The following KCNT1 variants were observed in gnomAD, a reference collection of about 807,000 sequenced individuals.
KCNT1 encodes potassium sodium-activated channel subfamily T member 1, also known as potassium channel subfamily T member 1.
KCNT1 carries 78 observed loss-of-function variants against 147.8 expected under a neutral mutation model. The ratio of observed to expected loss-of-function variants is 0.53; its 90% confidence interval spans 0.44 to 0.64. The LOEUF is 0.64. Among genes scored for constraint, KCNT1 ranks in the 30% least tolerant of loss-of-function variants. The pLI, the probability that KCNT1 is intolerant of heterozygous loss-of-function variation, is 0.00. For missense variants in KCNT1, 1,419 were observed against 1,750.3 expected, an observed-to-expected ratio of 0.81 and a Z score of 3.38; for synonymous variants, 867 against 748.8, an observed-to-expected ratio of 1.16 and a Z score of -2.58.
In KCNT1 at chr9:135,784,593, C is replaced by G; in HGVS notation, c.3002C>G (p.Thr1001Arg). 3 of 1,606,822 alleles carry G rather than the reference C, an allele frequency of 1.9e-6. No homozygotes were observed. The highest frequency in any genetic ancestry group is 2.5e-6 in the Non-Finnish European group (3 of 1,178,330). Reference protein sequence around the residue: ...ITRLLLGLDTTPGSGYLCAMK... With the variant: ...ITRLLLGLDTRPGSGYLCAMK... ...CGGCTGCTGCTGGGCCTGGACACCACGCCGGGCTCGGGGTACCTCTGTGCC... is the reference window on the plus strand; with the variant it reads ...CGGCTGCTGCTGGGCCTGGACACCAGGCCGGGCTCGGGGTACCTCTGTGCC... The change falls in exon 26 of 31, where the codon ACG (threonine) becomes AGG (arginine). Residue 1001 changes from threonine to arginine, a missense_variant. Physicochemically the swap from Thr to Arg is moderately conservative, Grantham distance 71. Around this residue, in one of 5 missense-constraint regions of KCNT1, gnomAD observed 247 missense variants for 397.1 expected, o/e 0.62. Transcript: ENST00000371757.
rs1378402350 is a variant in KCNT1, at chr9:135,784,531, C to A, written c.2944-4C>A. 1 of 1,160,944 alleles carries A rather than the reference C, an allele frequency of 8.6e-7. No homozygotes were observed. Among genetic ancestry groups the A allele is most frequent in the Non-Finnish European group, 1.2e-6 (1 of 833,556 alleles). The allele number at this position is 1,160,944 out of a possible 1,614,324, so 71.9% of individuals were successfully genotyped here. ...CCTCCCTCCCTCCCTCCCTCCCTGG[C>A]CAGTCCTTCGTGAAGGACTACATGA... On this transcript the variant is annotated splice_polypyrimidine_tract_variant and splice_region_variant and intron_variant, in intron 25 of 30. Coordinates refer to ENST00000371757, the MANE Select transcript of KCNT1 (RefSeq NM_020822.3).
chr9:135,754,406 G>A (rs998528188), intron 5 of KCNT1, among the ~76,000 whole-genome samples: 5 of 152,198 alleles, frequency 3.3e-5, no homozygotes, highest in African/African-American at 9.6e-5. Flanking sequence ...AAGGAAGCCC[G>A]TCTCCCAGTG....
At chr9:135,704,831 C>T (rs898870736) in intron 1 of KCNT1, among the ~76,000 whole-genome samples, 14 of 152,316 alleles carry the variant, frequency 9.2e-5, no homozygotes, top group African/African-American at 3.4e-4. Flanking sequence ...GCTCAGGGCT[C>T]ATGGGAAAGG....
At chr9:135,762,642 C>T (rs2150758) in intron 11 of KCNT1, among the ~76,000 whole-genome samples, 21,597 of 151,488 alleles carry the variant, frequency 0.14, 1,688 homozygotes, top group Non-Finnish European at 0.18. Context: ...CCCAGCTCCT[C>T]GGGAGGCTGA....
intron 1 of KCNT1, among the ~76,000 whole-genome samples, chr9:135,706,687 TCA>T (rs1835270910): frequency 6.6e-6 from 1 of 152,174 alleles, no homozygotes. Context: ...TCCTCATGCT[TCA>T]CAGGCACCAA....
At chr9:135,724,726 AG>A (rs1836061444) in intron 2 of KCNT1, among the ~76,000 whole-genome samples, 1 of 152,306 alleles carries the variant, frequency 6.6e-6, no homozygotes, top group African/African-American at 2.4e-5. Context: ...AAACCTCACC[AG>A]GTGTGTCATG....
chr9:135,765,304 T>TA, intron 12 of KCNT1, 109 bp downstream of exon 12: 1 of 1,108,040 alleles, frequency 9.0e-7, no homozygotes, highest in Non-Finnish European at 1.3e-6. Context: ...AGCCTTGGTT[T>TA]ACCCCTTCAG....
rs910220571 is a variant in KCNT1 at position 135,736,864 on chromosome 9, A to G, written c.255-13234A>G. 8 of 294,740 alleles carry G rather than the reference A, an allele frequency of 2.7e-5. No homozygotes were observed. In the Admixed American group the frequency reaches 3.7e-4, roughly 13 times the overall value. The allele number at this position is 294,740 out of a possible 1,614,324, so 18.3% of individuals were successfully genotyped here. A position where few individuals can be genotyped will look rare whatever the true frequency, so the allele number is the denominator to read the frequency against. Reference sequence around the variant, plus strand: ...GCTCGGGCTGCGCTGGCTGGGCTGCACCTGCGTTGCCTGCAGCCCGGGGAA... The same window carrying G: ...GCTCGGGCTGCGCTGGCTGGGCTGCGCCTGCGTTGCCTGCAGCCCGGGGAA... On this transcript the variant is annotated intron_variant, in intron 2 of 30. Transcript: ENST00000371757.
chr9:135,765,370 G>A (rs547334501), intron 12 of KCNT1, among the ~76,000 whole-genome samples, 175 bp downstream of exon 12: 1 of 57,058 alleles, frequency 1.8e-5, no homozygotes, highest in African/African-American at 8.8e-5. Context: ...CCCCAGGACT[G>A]CCATCCTCTC....
chr9:135,733,362 CTG>C (rs1830197997), intron 2 of KCNT1, among the ~76,000 whole-genome samples: 1 of 69,566 alleles, frequency 1.4e-5, no homozygotes, highest in Admixed American at 1.5e-4. Context: ...GCCCCCACAC[CTG>C]CCTTCATACC....
chr9:135,722,153 G>C (rs1446036780), intron 2 of KCNT1, among the ~76,000 whole-genome samples: 1 of 152,150 alleles, frequency 6.6e-6, no homozygotes, highest in Non-Finnish European at 1.5e-5. Flanking sequence ...TGGGCCCAGG[G>C]CTGGCTCAGT....
chr9:135,761,538 C>T (rs942204882), intron 11 of KCNT1, among the ~76,000 whole-genome samples: 1 of 152,262 alleles, frequency 6.6e-6, no homozygotes, highest in Non-Finnish European at 1.5e-5. Context: ...TTAATTACTT[C>T]TGCAAAGACC....
chr9:135,781,298 G>A (rs1291043170), intron 24 of KCNT1, among the ~76,000 whole-genome samples: 1 of 152,192 alleles, frequency 6.6e-6, no homozygotes, highest in East Asian at 1.9e-4. Flanking sequence ...TGGGACAGAT[G>A]CCCTGGGCCC....
chr9:135,780,235 C>G (rs376822347), intron 24 of KCNT1, among the ~76,000 whole-genome samples: 8 of 149,676 alleles, frequency 5.3e-5, no homozygotes, highest in African/African-American at 2.0e-4. Context: ...GAGCAGGGAG[C>G]AGGCACCTTG....
At chr9:135,774,201 T>TTGTGTGTGGTATGTGGTGTC (rs1832957847) in intron 19 of KCNT1, among the ~76,000 whole-genome samples, 1 of 148,414 alleles carries the variant, frequency 6.7e-6, no homozygotes, top group Non-Finnish European at 1.5e-5. Flanking sequence ...CTGAGTGGTA[T>TTGTGTGTGGTATGTGGTGTC]TGTGTGTGGT....
intron 6 of KCNT1, among the ~76,000 whole-genome samples, chr9:135,755,410 C>T (rs1462527954): frequency 1.4e-5 from 2 of 138,174 alleles, no homozygotes; most frequent in African/African-American, 5.5e-5. Context: ...AAACAGGTGA[C>T]TCCAACTCAG....
chr9:135,716,511 A>C (rs527352), intron 2 of KCNT1, among the ~76,000 whole-genome samples: 51,804 of 152,070 alleles, frequency 0.34, 10,892 homozygotes, highest in African/African-American at 0.59. Flanking sequence ...TTTAGTACAC[A>C]ACACTGTGCC....
At chr9:135,717,468 C>G (rs757910938) in intron 2 of KCNT1, among the ~76,000 whole-genome samples, 6 of 152,044 alleles carry the variant, frequency 3.9e-5, no homozygotes, top group Non-Finnish European at 5.9e-5. Flanking sequence ...CGGCTGGTGT[C>G]CAGCCCGGTT....
At position 135,770,908 on chromosome 9, in the gene KCNT1, G is replaced by A; in HGVS notation, c.1821G>A (p.Leu607=). 1 of 1,606,832 alleles carries A rather than the reference G, an allele frequency of 6.2e-7. No individual in the cohort carries two copies. Among genetic ancestry groups the A allele is most frequent in the Non-Finnish European group, 8.5e-7 (1 of 1,176,496 alleles). The change falls in exon 18 of 31, where the codon CTG becomes CTA. Residue 607 remains leucine, a synonymous_variant. Coordinates refer to ENST00000371757, the MANE Select transcript of KCNT1 (RefSeq NM_020822.3). ...AGCGGGAGGACAACAAGAGCATCCT[G>A]CTGAACCCGGGGCCCCGGCACATCC... The part of the protein sequence containing the change: ...GLKREDNKSI[L]LNPGPRHILA...
Sources: gnomAD v4.1 joint callset for allele counts (sites outside exome capture counted in the v4.1 genomes callset) on GRCh38, gnomAD v4.1.1 for gene constraint, gnomAD v4.1.1 regional missense constraint, MANE v1.5 for transcripts, NCBI Gene and HGNC (gene_info 2026-07-23, HGNC 2026-07-21) for gene names.